The following VPS13B variants were observed in gnomAD, a reference collection of about 807,000 sequenced individuals.
VPS13B encodes vacuolar protein sorting 13 homolog B.
A neutral mutation model predicts 426.4 loss-of-function variants in VPS13B; 285 were observed. The ratio of observed to expected loss-of-function variants is 0.67; its 90% CI spans 0.61 to 0.74. The LOEUF is 0.74. Ranked by LOEUF, VPS13B falls within the 30% of genes least tolerant of loss-of-function variation. The pLI, the probability that VPS13B is intolerant of heterozygous loss-of-function variation, is 0.00. For synonymous variants in VPS13B, 1,676 were observed against 1,676.4 expected (o/e 1.00, Z 0.01); for missense variants, 4,537 against 4,782.6 (o/e 0.95, Z 1.51).
chr8:99,563,108 C>A (rs542658916), intron 31 of VPS13B, among the ~76,000 whole-genome samples: 108 of 152,180 alleles, frequency 7.1e-4, no homozygotes, highest in South Asian at 4.2e-4. Context: ...GGCTGCATTG[C>A]GCTATGATCA....
At chr8:99,296,702 G>C (rs1219721771) in intron 19 of VPS13B, among the ~76,000 whole-genome samples, 1 of 152,050 alleles carries the variant, frequency 6.6e-6, no homozygotes, top group Non-Finnish European at 1.5e-5. Context: ...AAGTCACAAG[G>C]GTTGGCCCTT....
At chr8:99,136,862 T>C in intron 12 of VPS13B, 110 bp downstream of exon 12, 1 of 1,037,180 alleles carries the variant, frequency 9.6e-7, no homozygotes, top group Non-Finnish European at 1.5e-6. Context: ...AAGATTTATC[T>C]TCTAGTACTT....
At chr8:99,821,534 C>A (rs764546112) in intron 50 of VPS13B, 52 bp downstream of exon 50, 3 of 1,605,926 alleles carry the variant, frequency 1.9e-6, no homozygotes, top group South Asian at 2.2e-5. Context: ...ATCCCCTTAA[C>A]CTGTCTAAAA....
intron 5 of VPS13B, among the ~76,000 whole-genome samples, chr8:99,106,625 A>G (rs1847064642): frequency 6.6e-6 from 1 of 151,966 alleles, no homozygotes; most frequent in South Asian, 2.1e-4. Context: ...CAAAGCAACC[A>G]CTTTACTGAC....
intron 29 of VPS13B, among the ~76,000 whole-genome samples, chr8:99,516,780 C>A (rs1171710514): frequency 9.9e-6 from 1 of 101,042 alleles, no homozygotes; most frequent in South Asian, 3.3e-4. Flanking sequence ...AGGAGGAGAC[C>A]GTGTCTCAAA....
Position 99,384,336 on chromosome 8 carries a change from A to G in VPS13B, c.2934+19A>G, listed in dbSNP as rs1563700225. ...GCAACAGGTAAGAGATTTTTAAATA[A>G]TTTTTTCTGTTAACAAATATTTTTC... On this transcript the variant is annotated intron_variant, in intron 20 of 61. Coordinates refer to ENST00000357162, the MANE Select transcript of VPS13B (RefSeq NM_152564.5). 6.3e-7 allele frequency: 1 copy of G among 1,585,774 alleles called. No individual in the cohort carries two copies. Among genetic ancestry groups the G allele is most frequent in the African/African-American group, 1.3e-5 (1 of 74,272 alleles).
intron 33 of VPS13B, among the ~76,000 whole-genome samples, chr8:99,637,166 G>A (rs184182447): frequency 6.6e-6 from 1 of 152,048 alleles, no homozygotes; most frequent in East Asian, 1.9e-4. Context: ...TTCCACAAAG[G>A]AATAGTAAAT....
At chr8:99,247,837 A>G (rs1053213529) in intron 17 of VPS13B, among the ~76,000 whole-genome samples, 1 of 152,308 alleles carries the variant, frequency 6.6e-6, no homozygotes, top group Non-Finnish European at 1.5e-5. Flanking sequence ...GGCAGGGAAA[A>G]AAATAAGGCA....
intron 30 of VPS13B, among the ~76,000 whole-genome samples, chr8:99,543,089 G>A (rs1409038423): frequency 1.3e-5 from 2 of 152,166 alleles, no homozygotes; most frequent in Non-Finnish European, 2.9e-5. Context: ...AACCAAAGCA[G>A]CATGGTACTG....
chr8:99,169,515 A>G (rs1812206011), intron 15 of VPS13B, among the ~76,000 whole-genome samples: 1 of 151,988 alleles, frequency 6.6e-6, no homozygotes, highest in Non-Finnish European at 1.5e-5. Flanking sequence ...TCCCACAATT[A>G]TTTTCACAAA....
intron 17 of VPS13B, among the ~76,000 whole-genome samples, chr8:99,221,533 C>A (rs973268693): frequency 1.6e-4 from 25 of 152,148 alleles, no homozygotes; most frequent in African/African-American, 5.1e-4. Context: ...ATGAATATAT[C>A]TTTGAAGTTT....
intron 42 of VPS13B, 35 bp from the exon 43 acceptor site, chr8:99,784,280 G>A (rs771833534): frequency 1.1e-5 from 18 of 1,613,108 alleles, no homozygotes; most frequent in South Asian, 3.3e-5. Context: ...CAATTAATCC[G>A]ATCCATGTTG....
intron 39 of VPS13B, among the ~76,000 whole-genome samples, chr8:99,740,657 G>A (rs1809662176): frequency 6.6e-6 from 1 of 152,116 alleles, no homozygotes. Flanking sequence ...GAAGAGAGTG[G>A]GGGCCAATAT....
intron 16 of VPS13B, among the ~76,000 whole-genome samples, chr8:99,173,767 C>T (rs79085629): frequency 6.6e-6 from 1 of 152,272 alleles, no homozygotes; most frequent in East Asian, 1.9e-4. Context: ...CTGTTACAAT[C>T]TTCTCATTTC....
chr8:99,723,703 G>C (rs914633909), intron 39 of VPS13B, among the ~76,000 whole-genome samples: 12 of 152,096 alleles, frequency 7.9e-5, no homozygotes, highest in African/African-American at 1.7e-4. Context: ...TGGCATATAA[G>C]CAAAACACAG....
At chr8:99,833,985 A>G (rs1255831531) in intron 52 of VPS13B, among the ~76,000 whole-genome samples, 5 of 152,178 alleles carry the variant, frequency 3.3e-5, no homozygotes. Context: ...CTCCTCATCT[A>G]TTTCCTTCCC....
In VPS13B at chr8:99,083,026, G is replaced by A. The variant is rs1474166292; in HGVS notation, c.292-13286G>A. 3.9e-5 allele frequency among the ~76,000 whole-genome samples: 6 copies of A among 152,236 alleles called. No individual in the cohort carries two copies. The East Asian group carries it at 7.7e-4, about 20-fold the overall frequency. ...AGTCATCAGTAGCTTGATGGGAATG[G>A]CATTGAATCTATAAATTACCTTGGG... is the stretch of plus-strand genomic sequence containing the variant. On this transcript the variant is annotated intron_variant, in intron 3 of 61. Coordinates refer to ENST00000357162, the MANE Select transcript of VPS13B (RefSeq NM_152564.5).
intron 43 of VPS13B, among the ~76,000 whole-genome samples, chr8:99,787,746 G>A (rs1285315239): frequency 6.6e-6 from 1 of 152,078 alleles, no homozygotes; most frequent in African/African-American, 2.4e-5. Context: ...TCCACCAACT[G>A]GTAGGATTTA....
At chr8:99,350,445 GA>G (rs757701702) in intron 19 of VPS13B, among the ~76,000 whole-genome samples, 4 of 152,164 alleles carry the variant, frequency 2.6e-5, no homozygotes, top group Non-Finnish European at 5.9e-5. Flanking sequence ...AGTGTTGCTT[GA>G]CCAGTAAAGA....
Sources: gnomAD v4.1 joint callset for allele counts (sites outside exome capture counted in the v4.1 genomes callset) on GRCh38, gnomAD v4.1.1 for gene constraint, MANE v1.5 for transcripts, NCBI Gene and HGNC (gene_info 2026-07-23, HGNC 2026-07-21) for gene names.